C3orf22: variants seen among roughly 807,000 people sequenced by gnomAD.
C3orf22 encodes uncharacterized protein C3orf22.
A neutral mutation model predicts 10.8 loss-of-function variants in C3orf22; 7 were observed. That is an observed-to-expected ratio of 0.65 (90% CI 0.37 to 1.22). The LOEUF is 1.22. Among genes scored for constraint, C3orf22 ranks in the 50% most tolerant of loss-of-function variants. The pLI, the probability that C3orf22 is intolerant of heterozygous loss-of-function variation, is 0.02. For synonymous variants in C3orf22, 79 were observed against 78.9 expected (o/e 1.00, Z 0.00); for missense variants, 173 against 177.0 (o/e 0.98, Z 0.13).
chr3:126,550,873 C>G (rs149489753), intron 3 of C3orf22, among the ~76,000 whole-genome samples: 87 of 152,394 alleles, frequency 5.7e-4, no homozygotes, highest in African/African-American at 2.0e-3. Flanking sequence ...CCCCAGGCCT[C>G]TGCTCTGACC....
At chr3:126,540,802 C>A (rs934861752) in intron 4 of C3orf22, among the ~76,000 whole-genome samples, 1 of 152,236 alleles carries the variant, frequency 6.6e-6, no homozygotes, top group Non-Finnish European at 1.5e-5. Flanking sequence ...TCCACAGCAA[C>A]GGCACCCCTT....
chr3:126,542,394 C>T (rs765821914), intron 4 of C3orf22: 5 of 1,553,530 alleles, frequency 3.2e-6, no homozygotes, highest in Admixed American at 3.8e-5. Flanking sequence ...CTGGGCCTGG[C>T]GGGCGCATCC....
At chr3:126,546,496 T>C (rs1937069315), downstream of C3orf22, among the ~76,000 whole-genome samples, 1 of 152,052 alleles carries the variant, frequency 6.6e-6, no homozygotes, top group Non-Finnish European at 1.5e-5. Flanking sequence ...GTCATGAGGA[T>C]GCGGTCTCCA....
Position 126,558,696 on chromosome 3 carries a change from A to G in C3orf22, c.-110T>C, listed in dbSNP as rs1937411072. 1 of 152,374 alleles carries G rather than the reference A, an allele frequency of 6.6e-6. No homozygotes were observed. The highest frequency in any genetic ancestry group is 1.5e-5 in the Non-Finnish European group (1 of 68,162). 9.4% of individuals were successfully genotyped at this position (152,374 alleles called of 1,614,324 possible). The stretch of plus-strand genomic sequence containing the variant: ...ATCAGAGAGTCCTGGAACTGCTCCT[A>G]TCCAGCAAGATGCTGGTGTGAGAGC... On this transcript the variant is annotated 5_prime_UTR_variant, in exon 1 of 4. Coordinates refer to ENST00000318225, the MANE Select transcript of C3orf22 (RefSeq NM_152533.3).
chr3:126,531,245 G>A (rs1576748367), intron 4 of C3orf22, among the ~76,000 whole-genome samples: 1 of 152,328 alleles, frequency 6.6e-6, no homozygotes, highest in Non-Finnish European at 1.5e-5. Flanking sequence ...GGTGGGGCCC[G>A]GGATTCTTGA....
chr3:126,549,881 CT>C lies in C3orf22; in HGVS notation c.412del (p.Arg138GlyfsTer26), dbSNP rs1196564391. 2.5e-6 allele frequency: 4 copies of C among 1,613,094 alleles called. No individual in the cohort carries two copies. The South Asian group carries it at 4.4e-5, about 18-fold the overall frequency. On this transcript the variant is annotated frameshift_variant, in exon 4 of 4. Coordinates refer to ENST00000318225, the MANE Select transcript of C3orf22 (RefSeq NM_152533.3). LOFTEE classifies it high-confidence loss of function. Reference protein sequence around the residue: ...PQTSKAAGLSRGLS With the variant: ...PQTSKAAGLSXGLS ...AGAGCCCAGTCTCTAGGAGAGGCCCCTGGACAGCCCTGCCGCCTTGCTGGTC... is the reference window on the plus strand; with the variant it reads ...AGAGCCCAGTCTCTAGGAGAGGCCCCGGACAGCCCTGCCGCCTTGCTGGTC...
intron 1 of C3orf22, among the ~76,000 whole-genome samples, chr3:126,557,111 CACAT>C (rs1041990303): frequency 1.3e-5 from 2 of 152,144 alleles, no homozygotes; most frequent in African/African-American, 4.8e-5. Context: ...CACACACAGA[CACAT>C]ACAGACACTC....
chr3:126,556,028 C>T (rs1371335424), intron 1 of C3orf22, among the ~76,000 whole-genome samples: 2 of 152,224 alleles, frequency 1.3e-5, no homozygotes, highest in East Asian at 3.9e-4. Context: ...CCCATCCTAC[C>T]TGGTGCTCCA....
At chr3:126,549,684 G>C, downstream of C3orf22, 1 of 1,525,970 alleles carries the variant, frequency 6.6e-7, no homozygotes, top group Non-Finnish European at 8.8e-7. Context: ...GATCATTCCA[G>C]CTGGAAGTGG....
chr3:126,544,551 G>A (rs1937035445), intron 4 of C3orf22, among the ~76,000 whole-genome samples: 1 of 152,176 alleles, frequency 6.6e-6, no homozygotes, highest in Admixed American at 6.5e-5. Flanking sequence ...GGCCACACAT[G>A]CTGTGTTCTA....
chr3:126,540,781 C>T (rs1936941793), intron 4 of C3orf22, among the ~76,000 whole-genome samples: 1 of 152,168 alleles, frequency 6.6e-6, no homozygotes, highest in South Asian at 2.1e-4. Flanking sequence ...TGAGGAACTG[C>T]CAAACTGCTT....
intron 4 of C3orf22, chr3:126,542,011 C>T (rs768812040): frequency 5.1e-6 from 8 of 1,561,620 alleles, no homozygotes; most frequent in Non-Finnish European, 6.0e-6. Flanking sequence ...CCTCACTGGC[C>T]GACTTCAGCC....
chr3:126,539,767 C>A, intron 4 of C3orf22, among the ~76,000 whole-genome samples: 1 of 73,014 alleles, frequency 1.4e-5, no homozygotes, highest in Non-Finnish European at 2.7e-5. Flanking sequence ...CCACACCACA[C>A]ACACAGCACA....
chr3:126,539,134 CAAG>C (rs1174379156), intron 4 of C3orf22, among the ~76,000 whole-genome samples: 2 of 152,068 alleles, frequency 1.3e-5, no homozygotes, highest in African/African-American at 2.4e-5. Flanking sequence ...CAAGCATATG[CAAG>C]AAGAAGGGAG....
chr3:126,538,911 C>T lies in C3orf22; in HGVS notation c.287-9539G>A, dbSNP rs138037816. On this transcript the variant is annotated intron_variant and NMD_transcript_variant, in intron 4 of 5. Coordinates refer to the C3orf22 transcript ENST00000505070. ...GCACATGACATGGCATTTGACACTACAGAAGGGTAGACACAGTGAAGAGTA... is the reference window on the plus strand; with the variant it reads ...GCACATGACATGGCATTTGACACTATAGAAGGGTAGACACAGTGAAGAGTA... Among the ~76,000 whole-genome samples, 8 of 152,256 alleles carry T rather than the reference C, an allele frequency of 5.3e-5. No homozygotes were observed. In the East Asian group the frequency reaches 1.5e-3, roughly 29 times the overall value.
chr3:126,555,586 C>T (rs1334702388), intron 1 of C3orf22, among the ~76,000 whole-genome samples: 2 of 152,142 alleles, frequency 1.3e-5, no homozygotes, highest in Admixed American at 1.3e-4. Flanking sequence ...ATCTAGGCTG[C>T]ATGCTCCTTA....
chr3:126,553,460 G>A (rs1937252922), intron 1 of C3orf22, 30 bp from the exon 2 acceptor site: 5 of 1,304,092 alleles, frequency 3.8e-6, no homozygotes, highest in Non-Finnish European at 5.5e-6. Context: ...GTCAGAGGGG[G>A]CAGGGGTGGT....
rs56121932 is a variant in C3orf22, at chr3:126,540,996, G to A, written c.286+8541C>T. Among the ~76,000 whole-genome samples the A allele has an allele frequency of 3.8e-3, 572 of 152,318 alleles. 3 individuals are homozygous for A. The highest frequency in any genetic ancestry group is 5.7e-3 in the Non-Finnish European group (388 of 68,034). On this transcript the variant is annotated intron_variant and NMD_transcript_variant, in intron 4 of 5. Coordinates refer to the C3orf22 transcript ENST00000505070. ...TGTTAATCTTGGAGATAAGAACCCC[G>A]GGTGGGGCAGGAGTGATCTGAAGAA... is the stretch of plus-strand genomic sequence containing the variant.
At chr3:126,555,518 C>T (rs980261577) in intron 1 of C3orf22, among the ~76,000 whole-genome samples, 1 of 152,130 alleles carries the variant, frequency 6.6e-6, no homozygotes, top group African/African-American at 2.4e-5. Flanking sequence ...GTCAGATCAG[C>T]GGCAGCATTA....
Sources: allele counts gnomAD v4.1 joint callset (sites outside exome capture counted in the v4.1 genomes callset), GRCh38; gene constraint gnomAD v4.1.1; transcripts MANE v1.5; gene names NCBI Gene and HGNC (gene_info 2026-07-23, HGNC 2026-07-21).